Variants in RAB2A observed in about 807,000 individuals in gnomAD.
The protein encoded by RAB2A is RAB2A, member RAS oncogene family, also known as ras-related protein Rab-2A.
A neutral mutation model predicts 32.5 loss-of-function variants in RAB2A; 7 were observed. That is an observed-to-expected ratio of 0.22 (90% CI 0.12 to 0.40). The LOEUF is 0.40. Among genes scored for constraint, RAB2A ranks in the 10% least tolerant of loss-of-function variants. The pLI is 1.00. For synonymous variants in RAB2A, 79 were observed against 85.2 expected (o/e 0.93, Z 0.40); for missense variants, 108 against 260.7 (o/e 0.41, Z 4.03).
chr8:60,568,441 C>T (rs1352658021), intron 2 of RAB2A, among the ~76,000 whole-genome samples: 1 of 151,980 alleles, frequency 6.6e-6, no homozygotes, highest in East Asian at 1.9e-4. Flanking sequence ...ATAATTATAC[C>T]TAACATATTA....
At chr8:60,601,064 C>G (rs1030093805) in intron 6 of RAB2A, among the ~76,000 whole-genome samples, 1 of 152,078 alleles carries the variant, frequency 6.6e-6, no homozygotes, top group East Asian at 1.9e-4. Flanking sequence ...CCTTTAACAC[C>G]ATGATGACAG....
intron 3 of RAB2A, among the ~76,000 whole-genome samples, chr8:60,582,804 G>T (rs1466101615): frequency 6.6e-6 from 1 of 152,126 alleles, no homozygotes; most frequent in Non-Finnish European, 1.5e-5. Context: ...TTGAGCAGTA[G>T]GATATAAATA....
intron 1 of RAB2A, among the ~76,000 whole-genome samples, chr8:60,526,786 C>T (rs1043260649): frequency 2.0e-5 from 3 of 151,822 alleles, no homozygotes; most frequent in South Asian, 2.1e-4. Context: ...CTGGGCAACA[C>T]GGTGAAACCC....
At chr8:60,584,317 A>G (rs1195605794) in intron 4 of RAB2A, 27 bp downstream of exon 4, 2 of 1,525,206 alleles carry the variant, frequency 1.3e-6, no homozygotes, top group Middle Eastern at 1.7e-4. Flanking sequence ...TTTGCAATTC[A>G]GTAGTTGATA....
intron 1 of RAB2A, among the ~76,000 whole-genome samples, chr8:60,543,614 C>G (rs949664608): frequency 6.6e-6 from 1 of 152,128 alleles, no homozygotes; most frequent in Non-Finnish European, 1.5e-5. Flanking sequence ...TTGGACATAT[C>G]TTTTGGGGGG....
intron 1 of RAB2A, among the ~76,000 whole-genome samples, chr8:60,550,379 G>T (rs1011234958): frequency 2.7e-5 from 4 of 150,726 alleles, no homozygotes; most frequent in South Asian, 2.1e-4. Flanking sequence ...CTGGTTCACG[G>T]TTTTTTTTGT....
intron 6 of RAB2A, among the ~76,000 whole-genome samples, chr8:60,612,304 T>G (rs1287573722): frequency 6.6e-6 from 1 of 152,240 alleles, no homozygotes; most frequent in African/African-American, 2.4e-5. Context: ...TCTAGTTTCT[T>G]CCCCTCTTCA....
At chr8:60,603,635 G>T (rs1804175596) in intron 6 of RAB2A, among the ~76,000 whole-genome samples, 1 of 152,114 alleles carries the variant, frequency 6.6e-6, no homozygotes, top group South Asian at 2.1e-4. Context: ...ATAAAACACA[G>T]TTCAACTCAA....
At chr8:60,600,114 A>C (rs1278546234) in intron 6 of RAB2A, among the ~76,000 whole-genome samples, 1 of 152,020 alleles carries the variant, frequency 6.6e-6, no homozygotes. Flanking sequence ...GAGAGATATG[A>C]GCAGATATTT....
chr8:60,599,995 C>G (rs991131149), intron 6 of RAB2A, among the ~76,000 whole-genome samples: 2 of 150,886 alleles, frequency 1.3e-5, no homozygotes, highest in African/African-American at 4.9e-5. Flanking sequence ...ATTTACATAC[C>G]AGGTATCCAA....
At chr8:60,617,615 A>G (rs1804467835) in intron 6 of RAB2A, among the ~76,000 whole-genome samples, 1 of 152,178 alleles carries the variant, frequency 6.6e-6, no homozygotes, top group Non-Finnish European at 1.5e-5. Flanking sequence ...GTGTGGCAGC[A>G]CACACCTGTA....
chr8:60,620,444 C>A (rs556152689), intron 7 of RAB2A, among the ~76,000 whole-genome samples: 9 of 152,302 alleles, frequency 5.9e-5, no homozygotes, highest in African/African-American at 1.7e-4. Flanking sequence ...TAACTGTTTA[C>A]CCCGTACCTG....
intron 1 of RAB2A, among the ~76,000 whole-genome samples, chr8:60,541,690 A>G (rs912500741): frequency 1.3e-5 from 2 of 152,212 alleles, no homozygotes; most frequent in South Asian, 2.1e-4. Context: ...TCCATTAACC[A>G]TTGTGTAACC....
At chr8:60,589,257 G>C (rs1042920360) in intron 5 of RAB2A, among the ~76,000 whole-genome samples, 4 of 152,190 alleles carry the variant, frequency 2.6e-5, no homozygotes, top group African/African-American at 9.7e-5. Flanking sequence ...GTTCAAATGT[G>C]AGAAGAAATA....
chr8:60,556,207 C>G (rs76398321), intron 1 of RAB2A, among the ~76,000 whole-genome samples: 2 of 151,818 alleles, frequency 1.3e-5, no homozygotes, highest in South Asian at 4.2e-4. Context: ...TATTAGAGGC[C>G]GGGAAGGGTA....
At chr8:60,594,525 C>T (rs1426745987) in intron 6 of RAB2A, among the ~76,000 whole-genome samples, 1 of 152,114 alleles carries the variant, frequency 6.6e-6, no homozygotes, top group Non-Finnish European at 1.5e-5. Context: ...GTTACATGTG[C>T]ACAACGAGCA....
At position 60,600,431 on chromosome 8, in the gene RAB2A, A is replaced by G. The variant is rs1368397775; in HGVS notation, c.474+8462A>G. On this transcript the variant is annotated intron_variant, in intron 6 of 7. Transcript: ENST00000262646. ...ACCAAATGCTGAAGAGAATGTGGAG[A>G]AACCAGATCACTCTTACGTTGCATG... Among the ~76,000 whole-genome samples the G allele has an allele frequency of 2.0e-5, 3 of 152,194 alleles. No individual in the cohort carries two copies. The East Asian group carries it at 5.8e-4, about 29-fold the overall frequency.
intron 6 of RAB2A, among the ~76,000 whole-genome samples, chr8:60,617,756 A>T (rs556776140): frequency 8.1e-4 from 123 of 152,242 alleles, no homozygotes; most frequent in Middle Eastern, 3.4e-3. Flanking sequence ...AAAATAAATA[A>T]ATAAACAATT....
chr8:60,617,339 T>G (rs1458364582), intron 6 of RAB2A, among the ~76,000 whole-genome samples: 2 of 152,160 alleles, frequency 1.3e-5, no homozygotes, highest in Non-Finnish European at 2.9e-5. Context: ...ATCGTAAGCG[T>G]CCTTTGATTT....
Sources: gnomAD v4.1 joint callset for allele counts (sites outside exome capture counted in the v4.1 genomes callset) on GRCh38, gnomAD v4.1.1 for gene constraint, MANE v1.5 for transcripts, NCBI Gene and HGNC (gene_info 2026-07-23, HGNC 2026-07-21) for gene names.